The following SEMA3F variants were observed in gnomAD, a reference collection of about 807,000 sequenced individuals.
SEMA3F encodes semaphorin-3F.
A neutral mutation model predicts 98.5 loss-of-function variants in SEMA3F; 30 were observed. The ratio of observed to expected loss-of-function variants is 0.30; its 90% CI spans 0.23 to 0.41. SEMA3F has a LOEUF of 0.41. Ranked by LOEUF, SEMA3F falls within the 10% of genes least tolerant of loss-of-function variation. The pLI, the probability that SEMA3F is intolerant of heterozygous loss-of-function variation, is 1.00. For missense variants in SEMA3F, 866 were observed against 1,119.3 expected (o/e 0.77, Z 3.23); for synonymous variants, 380 against 444.8 (o/e 0.85, Z 1.83).
At chr3:50,165,187 G>A (rs571685903) in intron 2 of SEMA3F, among the ~76,000 whole-genome samples, 48 of 152,288 alleles carry the variant, frequency 3.2e-4, no homozygotes, top group Non-Finnish European at 5.3e-4. Flanking sequence ...AGCAGGGGAG[G>A]GGAGGTTGTA....
rs1021013255 is a variant in SEMA3F at position 50,166,267 on chromosome 3, T to G, written c.112+6533T>G. On this transcript the variant is annotated intron_variant, in intron 2 of 18. Transcript: ENST00000002829. This position sits in a 1 kb window ranked among gnomAD's most constrained non-coding sequence, Gnocchi z 4.7. ...ATGCCCTCATTTCCCCCGGCCAGAGTCCACTGCCTCGTGTGTCTGCTGTTC... is the reference window on the plus strand; with the variant it reads ...ATGCCCTCATTTCCCCCGGCCAGAGGCCACTGCCTCGTGTGTCTGCTGTTC... 6.6e-6 allele frequency among the ~76,000 whole-genome samples: 1 copy of G among 152,070 alleles called. No homozygotes were observed. The highest frequency in any genetic ancestry group is 1.5e-5 in the Non-Finnish European group (1 of 68,012).
chr3:50,155,316 G>C (rs1362337537), upstream of SEMA3F: 2 of 309,152 alleles, frequency 6.5e-6, no homozygotes, highest in Non-Finnish European at 1.2e-5. This position sits in a 1 kb window ranked among gnomAD's most constrained non-coding sequence, Gnocchi z 4.9. Context: ...CCCAGGGGAG[G>C]CGGCCCCGAG....
At chr3:50,163,634 G>C (rs1292676617) in intron 2 of SEMA3F, among the ~76,000 whole-genome samples, 2 of 152,258 alleles carry the variant, frequency 1.3e-5, no homozygotes, top group South Asian at 4.1e-4. Flanking sequence ...CCTGGTGCAG[G>C]AGTAGGGGTG....
At chr3:50,187,422 CAAAAA>C (rs901489365) in intron 18 of SEMA3F, among the ~76,000 whole-genome samples, 1 of 58,918 alleles carries the variant, frequency 1.7e-5, no homozygotes, top group South Asian at 6.6e-4. Context: ...GACCTTGTCT[CAAAAA>C]AAAAAAAAAA....
chr3:50,185,487 C>A lies in SEMA3F; in HGVS notation c.1501C>A (p.Gln501Lys). Residue 501 changes from glutamine (Q) to lysine (K), a missense_variant, in exon 14 of 19, where the codon CAG becomes AAG. Physicochemically the swap from Gln to Lys is moderately conservative, Grantham distance 53. Transcript: ENST00000002829. ...QKVIVLPKDD[Q>K]ELEELMLEEV... ...GGTCATTGTGCTGCCCAAGGATGAC[C>A]AGGAGTTGGAGGAGCTCATGCTGGA... 1 of 1,614,016 alleles carries A rather than the reference C, an allele frequency of 6.2e-7. No homozygotes were observed. Among genetic ancestry groups the A allele is most frequent in the South Asian group, 1.1e-5 (1 of 91,060 alleles).
chr3:50,188,240 A>G lies in SEMA3F; in HGVS notation c.*125A>G, dbSNP rs1356963368. On this transcript the variant is annotated 3_prime_UTR_variant, in exon 19 of 19. Coordinates refer to ENST00000002829, the MANE Select transcript of SEMA3F (RefSeq NM_004186.5). This position sits in a 1 kb window ranked among gnomAD's most constrained non-coding sequence, Gnocchi z 4.5. ...ATACACACCCTGCCCCTGCAAAGAC[A>G]GTATTTATTGGTGGGTTGAATATAG... The G allele has an allele frequency of 8.8e-6, 3 of 342,732 alleles. No homozygotes were observed. The highest frequency in any genetic ancestry group is 1.4e-5 in the Non-Finnish European group (3 of 217,386). 21.2% of individuals were successfully genotyped at this position (342,732 alleles called of 1,614,324 possible).
chr3:50,181,282 G>A (rs1417173599), intron 7 of SEMA3F, among the ~76,000 whole-genome samples: 2 of 151,732 alleles, frequency 1.3e-5, no homozygotes, highest in Non-Finnish European at 2.9e-5. Flanking sequence ...TTTATTGTTA[G>A]CTATGCTCTT....
chr3:50,175,313 C>T, intron 6 of SEMA3F, 125 bp downstream of exon 6: 2 of 679,256 alleles, frequency 2.9e-6, no homozygotes, highest in Non-Finnish European at 5.3e-6. Flanking sequence ...CACCCTGTCC[C>T]CACCCCTTCC....
intron 7 of SEMA3F, among the ~76,000 whole-genome samples, chr3:50,178,099 A>G (rs1363385450): frequency 6.6e-6 from 1 of 151,968 alleles, no homozygotes; most frequent in Non-Finnish European, 1.5e-5. Context: ...AAAATTAGCC[A>G]GGCGTGGTGG....
intron 2 of SEMA3F, among the ~76,000 whole-genome samples, chr3:50,169,778 T>C: frequency 6.6e-6 from 1 of 152,216 alleles, no homozygotes; most frequent in East Asian, 1.9e-4. Context: ...TGGGTCTGCA[T>C]CAGCCCTGGC....
At chr3:50,178,286 G>A (rs1698893647) in intron 7 of SEMA3F, among the ~76,000 whole-genome samples, 1 of 152,046 alleles carries the variant, frequency 6.6e-6, no homozygotes, top group Admixed American at 6.6e-5. Flanking sequence ...TCTATGGGCT[G>A]CAGAATGGAT....
At chr3:50,177,186 C>T (rs895790896) in intron 7 of SEMA3F, among the ~76,000 whole-genome samples, 2 of 152,158 alleles carry the variant, frequency 1.3e-5, no homozygotes, top group South Asian at 4.1e-4. Context: ...GAAGATAAGC[C>T]GAGTGCGTAT....
At chr3:50,160,350 C>T (rs1698158567) in intron 2 of SEMA3F, among the ~76,000 whole-genome samples, 1 of 152,188 alleles carries the variant, frequency 6.6e-6, no homozygotes, top group African/African-American at 2.4e-5. Context: ...TCCTGAGCTC[C>T]AGTGAGCACT....
chr3:50,187,933 C>G lies in SEMA3F; in HGVS notation c.2176C>G (p.Pro726Ala), dbSNP rs143791871. 6.2e-7 allele frequency: 1 copy of G among 1,608,662 alleles called. No individual in the cohort carries two copies. The highest frequency in any genetic ancestry group is 1.3e-5 in the African/African-American group (1 of 74,806). ...PPPGAGPPTP[P>A]YQELAQLLAQ... ...CCCAGGCGCAGGCCCCCCAACGCCT[C>G]CTTACCAGGAGTTAGCCCAGCTGCT... Residue 726 changes from proline (P) to alanine (A), a missense_variant, in exon 19 of 19, where the codon CCT becomes GCT. Physicochemically the swap from Pro to Ala is conservative, Grantham distance 27. This residue lies in a region of SEMA3F where 245 missense variants were observed against 260.5 expected (regional missense o/e 0.94). Coordinates refer to ENST00000002829, the MANE Select transcript of SEMA3F (RefSeq NM_004186.5).
chr3:50,174,185 G>T lies in SEMA3F; in HGVS notation c.337-46G>T, dbSNP rs767296528. On this transcript the variant is annotated intron_variant, in intron 4 of 18. Transcript: ENST00000002829. Reference sequence around the variant, plus strand: ...GGGAAGGTACTGCCCCCAGTGAGGGGGCAGGCCTGGCCAGGGCACCTATGC... The same window carrying T: ...GGGAAGGTACTGCCCCCAGTGAGGGTGCAGGCCTGGCCAGGGCACCTATGC... 8.7e-6 allele frequency: 14 copies of T among 1,613,802 alleles called. No individual in the cohort carries two copies. The East Asian group carries it at 1.1e-4, about 13-fold the overall frequency.
At chr3:50,155,137 G>A, upstream of SEMA3F, 3 of 398,330 alleles carry the variant, frequency 7.5e-6, no homozygotes, top group South Asian at 8.7e-5. This position sits in a 1 kb window ranked among gnomAD's most constrained non-coding sequence, Gnocchi z 4.9. Flanking sequence ...CGAGCGCAGC[G>A]CAGGACCTGG....
intron 2 of SEMA3F, among the ~76,000 whole-genome samples, chr3:50,165,895 C>G (rs1197828122): frequency 2.0e-5 from 3 of 152,188 alleles, no homozygotes; most frequent in Admixed American, 6.5e-5. Flanking sequence ...TGGCTGCTGG[C>G]CTAGGATTGG....
rs778564860 is a variant in SEMA3F, at chr3:50,173,826, A to G, written c.146A>G (p.Asn49Ser). ...LKATGTAHFF[N>S]FLLNTTDYRI... ...GCCACAGGCACCGCCCACTTCTTCA[A>G]CTTCCTGCTCAACACAACCGACTAC... is the stretch of plus-strand genomic sequence containing the variant. The change falls in exon 3 of 19, where the codon AAC becomes AGC. Residue 49 changes from asparagine to serine, a missense_variant. Asn to Ser is a conservative substitution (Grantham distance 46, BLOSUM62 1). This residue lies in a region of SEMA3F where 247 missense variants were observed against 276.0 expected (regional missense o/e 0.89). Transcript: ENST00000002829. The G allele has an allele frequency of 1.2e-5, 19 of 1,614,054 alleles. No homozygotes were observed. Among genetic ancestry groups the G allele is most frequent in the Non-Finnish European group, 1.4e-5 (17 of 1,180,012 alleles).
rs201757581 is a variant in SEMA3F, at chr3:50,184,612, G to A, written c.1254G>A (p.Thr418=). The change falls in exon 13 of 19, where the codon ACG becomes ACA. Residue 418 remains threonine (T), a synonymous_variant. Coordinates refer to ENST00000002829, the MANE Select transcript of SEMA3F (RefSeq NM_004186.5). ...CACAGTGCCCTGGTGGAACCTTCAC[G>A]CCATCTATGAAGTCCACCAAGGATT... is the stretch of plus-strand genomic sequence containing the variant. ...RPGTCPGGTF[T]PSMKSTKDYP... is the part of the protein sequence containing the mutation. The A allele has an allele frequency of 7.4e-6, 12 of 1,613,638 alleles. No homozygotes were observed. In the African/African-American group the frequency reaches 1.3e-4, roughly 18 times the overall value.
Sources: gnomAD v4.1 joint callset for allele counts (sites outside exome capture counted in the v4.1 genomes callset) on GRCh38, gnomAD v4.1.1 for gene constraint, gnomAD v4.1.1 regional missense constraint, Gnocchi (gnomAD v3.1) non-coding constraint, MANE v1.5 for transcripts, NCBI Gene and HGNC (gene_info 2026-07-23, HGNC 2026-07-21) for gene names.